The following TNXB variants were observed in gnomAD, a reference collection of about 807,000 sequenced individuals.
The protein encoded by TNXB is tenascin XB.
Under a neutral mutation model 340.5 loss-of-function variants are expected in TNXB, and 183 were observed. That is an observed-to-expected ratio of 0.54 (90% CI 0.48 to 0.61). TNXB has a LOEUF of 0.61. Ranked by LOEUF, TNXB falls within the 20% of genes least tolerant of loss-of-function variation. The pLI is 0.00. For synonymous variants in TNXB, 2,121 were observed against 2,314.5 expected, an observed-to-expected ratio of 0.92 and a Z score of 2.40; for missense variants, 4,613 against 5,446.4, an observed-to-expected ratio of 0.85 and a Z score of 4.82.
At chr6:32,055,086 T>C (rs1302236404) in intron 24 of TNXB, among the ~76,000 whole-genome samples, 2 of 152,218 alleles carry the variant, frequency 1.3e-5, no homozygotes, top group Non-Finnish European at 2.9e-5. Context: ...CTTGCTCTAG[T>C]TGACCTCCCC....
At chr6:32,100,658 C>T (rs903503683) in intron 1 of TNXB, among the ~76,000 whole-genome samples, 14 of 151,286 alleles carry the variant, frequency 9.3e-5, no homozygotes, top group African/African-American at 3.4e-4. Flanking sequence ...TCTGGGAGGT[C>T]GAGGCTGTGG....
At chr6:32,106,538 TCTTAAA>T (rs1166129427) in intron 1 of TNXB, among the ~76,000 whole-genome samples, 2 of 152,144 alleles carry the variant, frequency 1.3e-5, no homozygotes, top group African/African-American at 4.8e-5. Flanking sequence ...GGCTTTCTAC[TCTTAAA>T]CTTTTCTCCT....
At position 32,082,021 on chromosome 6, in the gene TNXB, G is replaced by T. The variant is rs775539288; in HGVS notation, c.3736+15C>A. 6.3e-7 allele frequency: 1 copy of T among 1,594,152 alleles called. No individual in the cohort carries two copies. Among genetic ancestry groups the T allele is most frequent in the Non-Finnish European group, 8.5e-7 (1 of 1,170,264 alleles). ...GAGAAGGGGTCACATGGGGGCTGAG[G>T]TGGCTGCTACTCACCAGTGGTGCCA... is the stretch of plus-strand genomic sequence containing the variant. On this transcript the variant is annotated intron_variant, in intron 9 of 43. Coordinates refer to ENST00000644971, the MANE Select transcript of TNXB (RefSeq NM_001365276.2). The surrounding 1 kb of genome is among the most constrained non-coding windows in gnomAD (Gnocchi z 5.0).
In TNXB at chr6:32,062,072, G is replaced by A. The variant is rs2239690; in HGVS notation, c.7168+85C>T. Reference sequence around the variant, plus strand: ...TAGGTCTGTGGTGCTGACCAGACCCGTCCCATTCCCCACCAGTCATCACCA... The same window carrying A: ...TAGGTCTGTGGTGCTGACCAGACCCATCCCATTCCCCACCAGTCATCACCA... On this transcript the variant is annotated intron_variant, in intron 20 of 43. Coordinates refer to ENST00000644971, the MANE Select transcript of TNXB (RefSeq NM_001365276.2). This position sits in a 1 kb window ranked among gnomAD's most constrained non-coding sequence, Gnocchi z 4.3. 164,519 of 1,485,034 alleles carry A rather than the reference G, an allele frequency of 0.11. 12,637 individuals are homozygous for A. The highest frequency in any genetic ancestry group is 0.34 in the South Asian group (25,613 of 76,032). The allele number at this position is 1,485,034 out of a possible 1,614,324, so 92.0% of individuals were successfully genotyped here.
chr6:32,050,704 C>G (rs1582354704), intron 26 of TNXB, among the ~76,000 whole-genome samples: 1 of 152,148 alleles, frequency 6.6e-6, no homozygotes. Flanking sequence ...GAGGCCAGAG[C>G]CTGGGGTGTG....
rs878879249 is a variant in TNXB, at chr6:32,067,132, G to GAAGGAAGGAAGGAAGAAAGA, written c.6544+528_6544+529insTCTTTCTTCCTTCCTTCCTT. Among the ~76,000 whole-genome samples, 40 of 118,074 alleles carry GAAGGAAGGAAGGAAGAAAGA rather than the reference G, an allele frequency of 3.4e-4. No individual in the cohort carries two copies. The highest frequency in any genetic ancestry group is 1.3e-3 in the African/African-American group (39 of 30,502). 77.5% of individuals were successfully genotyped at this position (118,074 alleles called of 152,430 possible). A position where few individuals can be genotyped will look rare whatever the true frequency, so the allele number is the denominator to read the frequency against. On this transcript the variant is annotated intron_variant, in intron 18 of 43. Transcript: ENST00000644971. The surrounding 1 kb of genome is among the most constrained non-coding windows in gnomAD (Gnocchi z 4.2). ...AAGAAAGAGAAAGAAAGAAAGGAAG[G>GAAGGAAGGAAGGAAGAAAGA]AAGAAAGAAAGAAAGAAAGAAAGAA...
Position 32,058,938 on chromosome 6 carries a change from G to C in TNXB, c.7493-548C>G, listed in dbSNP as rs1016049615. ...AAAAAGGAAGTGCCAAGAACTTTAT[G>C]AACACTGATTGCAACTTTAAAACAC... On this transcript the variant is annotated intron_variant, in intron 21 of 43. Coordinates refer to ENST00000644971, the MANE Select transcript of TNXB (RefSeq NM_001365276.2). The surrounding 1 kb of genome is among the most constrained non-coding windows in gnomAD (Gnocchi z 5.1). Among the ~76,000 whole-genome samples the C allele has an allele frequency of 6.6e-6, 1 of 151,944 alleles. No individual in the cohort carries two copies. Among genetic ancestry groups the C allele is most frequent in the Non-Finnish European group, 1.5e-5 (1 of 68,030 alleles).
Position 32,073,566 on chromosome 6 carries a change from AAGGC to A in TNXB, c.4681+77_4681+80del. ...CCCTCAGTGAGGGTGCGGTGGTACC[AAGGC>A]AGGGCTGGAAGAAGGGCCATGGGGT... On this transcript the variant is annotated intron_variant, in intron 12 of 43. Coordinates refer to ENST00000644971, the MANE Select transcript of TNXB (RefSeq NM_001365276.2). The surrounding 1 kb of genome is among the most constrained non-coding windows in gnomAD (Gnocchi z 4.6). The A allele has an allele frequency of 7.4e-7, 1 of 1,342,694 alleles. No individual in the cohort carries two copies. The highest frequency in any genetic ancestry group is 1.0e-6 in the Non-Finnish European group (1 of 975,612). The allele number at this position is 1,342,694 out of a possible 1,614,324, so 83.2% of individuals were successfully genotyped here.
Position 32,083,170 on chromosome 6 carries a change from C to A in TNXB, c.3446-844G>T, listed in dbSNP as rs921271106. On this transcript the variant is annotated intron_variant, in intron 8 of 43. Coordinates refer to ENST00000644971, the MANE Select transcript of TNXB (RefSeq NM_001365276.2). The surrounding 1 kb of genome is among the most constrained non-coding windows in gnomAD (Gnocchi z 4.6). ...TGTTCCGGAATCTGACAAGTCCAACCGCACCCTCCTTCCTGGAGTCCAGAC... is the reference window on the plus strand; with the variant it reads ...TGTTCCGGAATCTGACAAGTCCAACAGCACCCTCCTTCCTGGAGTCCAGAC... 6.6e-6 allele frequency among the ~76,000 whole-genome samples: 1 copy of A among 152,122 alleles called. No individual in the cohort carries two copies.
At position 32,082,760 on chromosome 6, in the gene TNXB, G is replaced by A. The variant is rs1417067747; in HGVS notation, c.3446-434C>T. 6.6e-6 allele frequency among the ~76,000 whole-genome samples: 1 copy of A among 152,152 alleles called. No individual in the cohort carries two copies. The highest frequency in any genetic ancestry group is 1.5e-5 in the Non-Finnish European group (1 of 68,032). ...GAGAGGAGAGCACAATCCTTGAAGC[G>A]TTTTAACGTGGGACAGCCTCCCTCA... is the stretch of plus-strand genomic sequence containing the variant. On this transcript the variant is annotated intron_variant, in intron 8 of 43. Transcript: ENST00000644971. This position sits in a 1 kb window ranked among gnomAD's most constrained non-coding sequence, Gnocchi z 5.0.
At chr6:32,099,852 G>T (rs970272002) in intron 1 of TNXB, among the ~76,000 whole-genome samples, 1 of 150,532 alleles carries the variant, frequency 6.6e-6, no homozygotes, top group Admixed American at 6.7e-5. Context: ...CACATATGTG[G>T]TCAACTAATT....
rs2151913144 is a variant in TNXB, at chr6:32,067,310, G to A, written c.6544+351C>T. On this transcript the variant is annotated intron_variant, in intron 18 of 43. Transcript: ENST00000644971. This position sits in a 1 kb window ranked among gnomAD's most constrained non-coding sequence, Gnocchi z 4.2. The stretch of plus-strand genomic sequence containing the variant: ...TACTATTCTTTCTGTTTATACATTT[G>A]AAATTTTATTTAACAAATACTTATT... Among the ~76,000 whole-genome samples, 1 of 152,192 alleles carries A rather than the reference G, an allele frequency of 6.6e-6. No individual in the cohort carries two copies. Among genetic ancestry groups the A allele is most frequent in the Admixed American group, 6.5e-5 (1 of 15,292 alleles).
In TNXB at chr6:32,068,465, G is replaced by A. The variant is rs1211073698; in HGVS notation, c.6145C>T (p.His2049Tyr). The part of the protein sequence containing the change: ...GVTISGLEPD[H>Y]KYKMNLYGFH... ...CCGTACAGGTTCATCTTGTATTTAT[G>A]GTCTGGCTCCAGGCCCGAGATGGTG... Residue 2049 changes from histidine (H) to tyrosine (Y), a missense_variant, in exon 17 of 44, where the codon CAT becomes TAT. Coordinates refer to ENST00000644971, the MANE Select transcript of TNXB (RefSeq NM_001365276.2). This position sits in a 1 kb window ranked among gnomAD's most constrained non-coding sequence, Gnocchi z 5.3. The A allele has an allele frequency of 1.2e-6, 2 of 1,613,892 alleles. No individual in the cohort carries two copies.
chr6:32,051,890 C>G lies in TNXB; in HGVS notation c.9115+780G>C, dbSNP rs907587414. Among the ~76,000 whole-genome samples, 2 of 152,020 alleles carry G rather than the reference C, an allele frequency of 1.3e-5. No individual in the cohort carries two copies. Among genetic ancestry groups the G allele is most frequent in the Non-Finnish European group, 2.9e-5 (2 of 68,022 alleles). ...GTACCTAGAGTCAAATTCATAGAGA[C>G]AGAGAGTAGAATGGTGTTGCCAGGG... On this transcript the variant is annotated intron_variant, in intron 26 of 43. Coordinates refer to ENST00000644971, the MANE Select transcript of TNXB (RefSeq NM_001365276.2). The surrounding 1 kb of genome is among the most constrained non-coding windows in gnomAD (Gnocchi z 4.7).
chr6:32,053,742 C>G (rs1777454454), intron 24 of TNXB, 31 bp from the exon 25 acceptor site: 1 of 1,599,968 alleles, frequency 6.3e-7, no homozygotes, highest in Admixed American at 1.7e-5. Context: ...AGAGTGAGGT[C>G]CCTGGGTTCT....
rs145796251 is a variant in TNXB at position 32,102,938 on chromosome 6, A to C, written c.-8-4732T>G. Among the ~76,000 whole-genome samples the C allele has an allele frequency of 1.8e-3, 273 of 152,174 alleles. 13 individuals are homozygous for C. The East Asian group carries it at 0.038, about 21-fold the overall frequency. ...TATGTCAAAAAACAAACAAAAAAAC[A>C]AACAAAAACAGGCAGAGTTAATCTT... On this transcript the variant is annotated intron_variant, in intron 1 of 43. Coordinates refer to ENST00000644971, the MANE Select transcript of TNXB (RefSeq NM_001365276.2).
intron 1 of TNXB, among the ~76,000 whole-genome samples, chr6:32,099,863 A>G (rs1780619936): frequency 6.6e-6 from 1 of 151,822 alleles, no homozygotes; most frequent in African/African-American, 2.4e-5. Context: ...TCAACTAATT[A>G]ACGACAAAAG....
chr6:32,061,540 C>A lies in TNXB; in HGVS notation c.7349G>T (p.Gly2450Val). The A allele has an allele frequency of 1.2e-6, 2 of 1,613,626 alleles. No individual in the cohort carries two copies. Among genetic ancestry groups the A allele is most frequent in the Non-Finnish European group, 1.7e-6 (2 of 1,179,884 alleles). Residue 2450 changes from glycine to valine, a missense_variant, in exon 21 of 44, where the codon GGG (glycine) becomes GTG (valine). Around this residue, in one of 7 missense-constraint regions of TNXB, gnomAD observed 4,327 missense variants for 4,859.4 expected, o/e 0.89. Coordinates refer to ENST00000644971, the MANE Select transcript of TNXB (RefSeq NM_001365276.2). This position sits in a 1 kb window ranked among gnomAD's most constrained non-coding sequence, Gnocchi z 4.4. ...SFTVQYKDRD[G>V]RPQVVRVGGE... is the part of the protein sequence containing the mutation. ...CCCAACACGCACCACCTGGGGCCGC[C>A]CGTCCCTGTCCTTGTACTGCACGGT...
In TNXB at chr6:32,046,625, G is replaced by A. The variant is rs979235315; in HGVS notation, c.10325-169C>T. 2 of 550,144 alleles carry A rather than the reference G, an allele frequency of 3.6e-6. No individual in the cohort carries two copies. Among genetic ancestry groups the A allele is most frequent in the Admixed American group, 3.1e-5 (1 of 32,052 alleles). 34.1% of individuals were successfully genotyped at this position (550,144 alleles called of 1,614,324 possible). On this transcript the variant is annotated intron_variant, in intron 30 of 43. Transcript: ENST00000644971. This position sits in a 1 kb window ranked among gnomAD's most constrained non-coding sequence, Gnocchi z 6.9. ...CTCCCGCCATGCCCCACAGGAATGA[G>A]GGAGAACAGCCCCCTCCTCCTCTGG...
Sources: gnomAD v4.1 joint callset for allele counts (sites outside exome capture counted in the v4.1 genomes callset) on GRCh38, gnomAD v4.1.1 for gene constraint, gnomAD v4.1.1 regional missense constraint, Gnocchi (gnomAD v3.1) non-coding constraint, MANE v1.5 for transcripts, NCBI Gene and HGNC (gene_info 2026-07-23, HGNC 2026-07-21) for gene names.